The following CDH8 variants were observed in gnomAD, a reference collection of about 807,000 sequenced individuals.
CDH8 encodes the protein cadherin 8, also known as cadherin-8.
Under a neutral mutation model 68.1 loss-of-function variants are expected in CDH8, and 17 were observed. That is an observed-to-expected ratio of 0.25 (90% CI 0.17 to 0.37). The LOEUF (loss-of-function observed/expected upper bound fraction) is 0.37, where lower values mean the gene tolerates loss of function less well. Among genes scored for constraint, CDH8 ranks in the 10% least tolerant of loss-of-function variants. The pLI is 1.00. For synonymous variants in CDH8, 372 were observed against 365.1 expected, an observed-to-expected ratio of 1.02 and a Z score of -0.21; for missense variants, 763 against 999.3, an observed-to-expected ratio of 0.76 and a Z score of 3.19.
chr16:61,768,761 C>T (rs752804947), intron 8 of CDH8, among the ~76,000 whole-genome samples: 26 of 151,720 alleles, frequency 1.7e-4, no homozygotes, highest in Non-Finnish European at 2.2e-4. Context: ...AGCCAACCAA[C>T]GTTTTACAGG....
intron 2 of CDH8, among the ~76,000 whole-genome samples, chr16:61,916,791 T>A (rs1964245432): frequency 6.6e-6 from 1 of 152,102 alleles, no homozygotes; most frequent in Admixed American, 6.6e-5. Context: ...ACTTTCAATA[T>A]TGGTGCATTT....
chr16:61,932,793 C>A (rs1292831972), intron 2 of CDH8, among the ~76,000 whole-genome samples: 1 of 152,156 alleles, frequency 6.6e-6, no homozygotes, highest in Non-Finnish European at 1.5e-5. Flanking sequence ...GAAAAAAGAT[C>A]TCAACCTTTA....
rs1264839390 is a variant in CDH8 at position 61,959,982 on chromosome 16, GTGTATATATATATATATA to G, written c.253-58527_253-58510del. 9.7e-5 allele frequency among the ~76,000 whole-genome samples: 3 copies of G among 31,070 alleles called. 1 individual carries two copies. The highest frequency in any genetic ancestry group is 2.9e-4 in the African/African-American group (3 of 10,310). 20.4% of individuals were successfully genotyped at this position (31,070 alleles called of 152,430 possible). A position where few individuals can be genotyped will look rare whatever the true frequency, so the allele number is the denominator to read the frequency against. ...CTGTATGTGGTGTATGTGTGTGTGTGTGTATATATATATATATATATATATATATATATACACACATAC... is the reference window on the plus strand; with the variant it reads ...CTGTATGTGGTGTATGTGTGTGTGTGTATATATATATATATACACACATAC... On this transcript the variant is annotated intron_variant, in intron 2 of 11. Coordinates refer to ENST00000577390, the MANE Select transcript of CDH8 (RefSeq NM_001796.5).
intron 1 of CDH8, among the ~76,000 whole-genome samples, chr16:62,035,307 C>A (rs1303389581): frequency 6.6e-6 from 1 of 152,164 alleles, no homozygotes; most frequent in Non-Finnish European, 1.5e-5. Flanking sequence ...GCTCAGCTGT[C>A]CCTAGGAGAG....
chr16:61,712,507 A>T (rs1458319411), intron 10 of CDH8, among the ~76,000 whole-genome samples: 1 of 151,714 alleles, frequency 6.6e-6, no homozygotes, highest in Non-Finnish European at 1.5e-5. Context: ...AACACGGACC[A>T]CACTTATGCA....
chr16:61,862,889 A>T (rs140825875), intron 3 of CDH8, among the ~76,000 whole-genome samples: 1 of 152,154 alleles, frequency 6.6e-6, no homozygotes. Flanking sequence ...AACAACCAGG[A>T]TTCTCTGTTT....
At chr16:61,927,830 T>C (rs1964479115) in intron 2 of CDH8, among the ~76,000 whole-genome samples, 1 of 152,240 alleles carries the variant, frequency 6.6e-6, no homozygotes, top group Admixed American at 6.5e-5. Context: ...ATTTCAAATA[T>C]ATTTGTTGAA....
At chr16:61,972,364 T>G (rs953467710) in intron 2 of CDH8, among the ~76,000 whole-genome samples, 1 of 151,816 alleles carries the variant, frequency 6.6e-6, no homozygotes, top group Non-Finnish European at 1.5e-5. Context: ...CCCTGAGGAG[T>G]GTTGTGCAAG....
At chr16:62,017,545 T>C (rs866888660) in intron 2 of CDH8, among the ~76,000 whole-genome samples, 1 of 152,112 alleles carries the variant, frequency 6.6e-6, no homozygotes, top group Non-Finnish European at 1.5e-5. Flanking sequence ...TAGCCAAGCA[T>C]GGTGGTGCAT....
intron 1 of CDH8, among the ~76,000 whole-genome samples, chr16:62,031,785 A>G (rs1596824347): frequency 6.6e-6 from 1 of 152,160 alleles, no homozygotes; most frequent in Admixed American, 6.5e-5. Context: ...TTAAAACTTG[A>G]TAAGAAAAAG....
chr16:61,842,474 C>A (rs529666047), intron 4 of CDH8, among the ~76,000 whole-genome samples: 1 of 152,222 alleles, frequency 6.6e-6, no homozygotes, highest in East Asian at 1.9e-4. Flanking sequence ...CCAGATGCTG[C>A]CACCTAGATC....
At position 61,707,314 on chromosome 16, in the gene CDH8, T is replaced by C. The variant is rs150406115; in HGVS notation, c.1654+6527A>G. The stretch of plus-strand genomic sequence containing the variant: ...ATCATTTAAATTTTTTACTTAATAT[T>C]TTATTATTTAAAACAACATTGGATA... On this transcript the variant is annotated intron_variant, in intron 10 of 11. Coordinates refer to ENST00000577390, the MANE Select transcript of CDH8 (RefSeq NM_001796.5). Among the ~76,000 whole-genome samples, 1,125 of 152,288 alleles carry C rather than the reference T, an allele frequency of 7.4e-3. 10 individuals are homozygous for C. Among genetic ancestry groups the C allele is most frequent in the Admixed American group, 0.027 (418 of 15,288 alleles).
At chr16:61,824,120 C>T (rs1266761133) in intron 5 of CDH8, among the ~76,000 whole-genome samples, 1 of 151,544 alleles carries the variant, frequency 6.6e-6, no homozygotes, top group South Asian at 2.1e-4. Flanking sequence ...CTGTCATTTG[C>T]AACAACATGA....
chr16:61,718,065 C>T (rs1418060912), intron 9 of CDH8, among the ~76,000 whole-genome samples: 1 of 151,336 alleles, frequency 6.6e-6, no homozygotes, highest in African/African-American at 2.4e-5. Flanking sequence ...AGCCTAGTTA[C>T]AAGTTCTCTG....
intron 10 of CDH8, among the ~76,000 whole-genome samples, chr16:61,697,948 C>T (rs929876237): frequency 6.6e-6 from 1 of 152,194 alleles, no homozygotes. Context: ...GGTTATTAGA[C>T]AAGCCATTTA....
Position 61,757,996 on chromosome 16 carries a change from T to C in CDH8, c.1415-30781A>G, listed in dbSNP as rs375603312. 2.0e-5 allele frequency among the ~76,000 whole-genome samples: 3 copies of C among 152,178 alleles called. No individual in the cohort carries two copies. In the East Asian group the frequency reaches 5.8e-4, roughly 29 times the overall value. On this transcript the variant is annotated intron_variant, in intron 8 of 11. Coordinates refer to ENST00000577390, the MANE Select transcript of CDH8 (RefSeq NM_001796.5). ...ACTGCTGTAATGACAACGTTAAGCA[T>C]GTGGCACTGGTTCTGGGACCAGGTG...
chr16:61,655,330 C>CA, intron 11 of CDH8, 140 bp downstream of exon 11: 2 of 807,612 alleles, frequency 2.5e-6, no homozygotes, highest in Non-Finnish European at 3.9e-6. Flanking sequence ...TTAGAGATCT[C>CA]AAAATGTGGA....
At chr16:62,026,572 G>A (rs867473588) in intron 1 of CDH8, among the ~76,000 whole-genome samples, 27 of 152,278 alleles carry the variant, frequency 1.8e-4, no homozygotes, top group Middle Eastern at 3.4e-3. Context: ...CTGAACACAT[G>A]GATTTGGGGA....
chr16:62,018,498 G>A (rs545617453), intron 2 of CDH8, among the ~76,000 whole-genome samples: 1 of 152,194 alleles, frequency 6.6e-6, no homozygotes, highest in African/African-American at 2.4e-5. Flanking sequence ...AAACACTAAA[G>A]CACCGGTGGG....
Sources: gnomAD v4.1 joint callset for allele counts (sites outside exome capture counted in the v4.1 genomes callset) on GRCh38, gnomAD v4.1.1 for gene constraint, MANE v1.5 for transcripts, NCBI Gene and HGNC (gene_info 2026-07-23, HGNC 2026-07-21) for gene names.